MANBAL: variants seen among roughly 807,000 people sequenced by gnomAD.
MANBAL encodes protein MANBAL.
Under a neutral mutation model 6.4 loss-of-function variants are expected in MANBAL, and 1 was observed. The observed-to-expected ratio is 0.16, with a 90% confidence interval of 0.06 to 0.74. The LOEUF (loss-of-function observed/expected upper bound fraction) is 0.74, where lower values mean the gene tolerates loss of function less well. MANBAL is among the 30% of genes least tolerant of loss of function. MANBAL has a pLI of 0.78. For synonymous variants in MANBAL, 47 were observed against 45.8 expected (o/e 1.03, Z -0.10); for missense variants, 100 against 107.8 (o/e 0.93, Z 0.32).
chr20:37,311,661 A>G (rs1046128845), intron 2 of MANBAL, among the ~76,000 whole-genome samples: 5 of 151,894 alleles, frequency 3.3e-5, no homozygotes, highest in African/African-American at 4.8e-5. Flanking sequence ...CTAATTTTGT[A>G]TTTTTAATAG....
At position 37,316,968 on chromosome 20, in the gene MANBAL, G is replaced by A. The variant is rs990114641; in HGVS notation, c.*553G>A. 6.6e-6 allele frequency: 1 copy of A among 152,574 alleles called. No homozygotes were observed. Among genetic ancestry groups the A allele is most frequent in the South Asian group, 2.1e-4 (1 of 4,834 alleles). The allele number at this position is 152,574 out of a possible 1,614,324, so 9.5% of individuals were successfully genotyped here. On this transcript the variant is annotated 3_prime_UTR_variant, in exon 3 of 3. Coordinates refer to ENST00000373606, the MANE Select transcript of MANBAL (RefSeq NM_001003897.2). ...CAGCCAGGCCCAGAAAATGCCTGGC[G>A]TGAGAGCCAGCAGACAGCCAGGCCA...
intron 1 of MANBAL, among the ~76,000 whole-genome samples, chr20:37,299,235 TC>T (rs34584531): frequency 2.0e-5 from 3 of 151,726 alleles, no homozygotes; most frequent in Admixed American, 6.6e-5. Context: ...GAGCCACCAC[TC>T]CTGCCTAATT....
intron 1 of MANBAL, among the ~76,000 whole-genome samples, chr20:37,295,793 C>T (rs980346956): frequency 2.3e-4 from 35 of 152,312 alleles, no homozygotes; most frequent in African/African-American, 7.9e-4. Context: ...GTTCATTTGC[C>T]GACTGCTGCT....
chr20:37,301,543 A>G, intron 2 of MANBAL, 130 bp downstream of exon 2: 1 of 1,021,758 alleles, frequency 9.8e-7, no homozygotes, highest in East Asian at 2.7e-5. Context: ...GTGCCTCTGA[A>G]TTTCCACCTG....
intron 1 of MANBAL, among the ~76,000 whole-genome samples, chr20:37,292,395 G>A (rs566040540): frequency 4.6e-5 from 7 of 152,218 alleles, no homozygotes; most frequent in East Asian, 1.9e-4. Flanking sequence ...TCCACCTCCC[G>A]GGTTTAAGTG....
intron 1 of MANBAL, among the ~76,000 whole-genome samples, chr20:37,292,334 C>G (rs1479761606): frequency 1.3e-5 from 2 of 152,148 alleles, no homozygotes; most frequent in East Asian, 1.9e-4. Flanking sequence ...CAGGGTCTCC[C>G]GCTGTCGCCC....
intron 2 of MANBAL, among the ~76,000 whole-genome samples, chr20:37,307,768 A>AAG (rs1181680821): frequency 6.6e-6 from 1 of 152,134 alleles, no homozygotes; most frequent in Non-Finnish European, 1.5e-5. Flanking sequence ...AAAAAAAAAA[A>AAG]AAGGAAACCA....
chr20:37,291,585 G>A (rs1056346165), intron 1 of MANBAL, among the ~76,000 whole-genome samples: 2 of 152,160 alleles, frequency 1.3e-5, no homozygotes, highest in Non-Finnish European at 2.9e-5. Context: ...AGGGTAATGG[G>A]TTTTTGGGGA....
intron 1 of MANBAL, among the ~76,000 whole-genome samples, chr20:37,294,076 T>A (rs2068936466): frequency 6.6e-6 from 1 of 152,246 alleles, no homozygotes; most frequent in Non-Finnish European, 1.5e-5. Flanking sequence ...TGTGAGCCAC[T>A]GTGATGGCCT....
chr20:37,301,484 C>T, intron 2 of MANBAL, 71 bp downstream of exon 2: 1 of 1,508,040 alleles, frequency 6.6e-7, no homozygotes, highest in South Asian at 1.3e-5. Flanking sequence ...CAGTAGGTGC[C>T]ACCACAACTG....
chr20:37,315,139 C>A (rs1245393142), intron 2 of MANBAL, among the ~76,000 whole-genome samples: 2 of 152,204 alleles, frequency 1.3e-5, no homozygotes, highest in African/African-American at 4.8e-5. Context: ...GCCTCCTCAG[C>A]CCCTCACTGC....
intron 2 of MANBAL, among the ~76,000 whole-genome samples, chr20:37,308,306 T>C (rs1054604101): frequency 6.6e-6 from 1 of 152,038 alleles, no homozygotes; most frequent in Non-Finnish European, 1.5e-5. Context: ...TCCCTTTCTC[T>C]CCCTCTCTCA....
At chr20:37,293,033 A>G (rs538892669) in intron 1 of MANBAL, among the ~76,000 whole-genome samples, 80 of 152,364 alleles carry the variant, frequency 5.3e-4, no homozygotes, top group Admixed American at 2.2e-3. Context: ...TCAGCTAAAC[A>G]TAACTGATGT....
intron 1 of MANBAL, among the ~76,000 whole-genome samples, chr20:37,290,290 C>T (rs1237677019): frequency 1.3e-5 from 2 of 152,214 alleles, no homozygotes; most frequent in Admixed American, 1.3e-4. Context: ...ACACCAGTTT[C>T]AGCCCACCGG....
intron 2 of MANBAL, chr20:37,302,227 C>T: frequency 1.9e-6 from 3 of 1,550,378 alleles, no homozygotes; most frequent in Non-Finnish European, 1.7e-6. Flanking sequence ...GCTATTGCTT[C>T]TCTGTGGTGT....
At chr20:37,292,665 T>C (rs1365558810) in intron 1 of MANBAL, among the ~76,000 whole-genome samples, 1 of 152,252 alleles carries the variant, frequency 6.6e-6, no homozygotes, top group East Asian at 1.9e-4. Context: ...AGTACTACTT[T>C]ATTTTGTTGC....
chr20:37,312,900 TGGAAAAGTGAG>T (rs1364273279), intron 2 of MANBAL, among the ~76,000 whole-genome samples: 24 of 152,338 alleles, frequency 1.6e-4, no homozygotes, highest in African/African-American at 5.8e-4. Flanking sequence ...TCTGTGATCA[TGGAAAAGTGAG>T]GCCTGGTTTT....
intron 2 of MANBAL, among the ~76,000 whole-genome samples, chr20:37,307,513 G>T (rs1050203995): frequency 1.1e-4 from 17 of 152,138 alleles, no homozygotes; most frequent in African/African-American, 4.1e-4. Flanking sequence ...AACCCAGCAC[G>T]TGGGAGGCTG....
chr20:37,290,349 T>C (rs1000913306), intron 1 of MANBAL, among the ~76,000 whole-genome samples: 4 of 152,208 alleles, frequency 2.6e-5, no homozygotes, highest in Non-Finnish European at 2.9e-5. Flanking sequence ...TGCATTCTAA[T>C]CTAGTTTTGC....
Sources: gnomAD v4.1 joint callset for allele counts (sites outside exome capture counted in the v4.1 genomes callset) on GRCh38, gnomAD v4.1.1 for gene constraint, MANE v1.5 for transcripts, NCBI Gene and HGNC (gene_info 2026-07-23, HGNC 2026-07-21) for gene names.